The following NPSR1 variants were observed in gnomAD, a reference collection of about 807,000 sequenced individuals.
NPSR1 encodes neuropeptide S receptor 1.
In NPSR1, 48 loss-of-function variants were observed where a neutral mutation model predicts 46.9. That is an observed-to-expected ratio of 1.02 (90% CI 0.81 to 1.30). The LOEUF is 1.30. Among genes scored for constraint, NPSR1 ranks in the 50% most tolerant of loss-of-function variants. NPSR1 has a pLI of 0.00. For synonymous variants in NPSR1, 176 were observed against 168.1 expected, an observed-to-expected ratio of 1.05 and a Z score of -0.36; for missense variants, 450 against 449.5, an observed-to-expected ratio of 1.00 and a Z score of -0.01.
chr7:34,660,196 C>T (rs750966788), intron 1 of NPSR1: 5 of 452,822 alleles, frequency 1.1e-5, no homozygotes, highest in East Asian at 7.0e-5. Context: ...TGCAGCAAAA[C>T]GGCTGGACCA....
chr7:34,844,799 G>A (rs748861724), intron 6 of NPSR1, 97 bp from the exon 7 acceptor site: 5 of 826,984 alleles, frequency 6.0e-6, no homozygotes, highest in Non-Finnish European at 8.5e-6. Flanking sequence ...GGATATAAGT[G>A]AAAACTGGAG....
intron 1 of NPSR1, among the ~76,000 whole-genome samples, chr7:34,672,968 A>G (rs1792131445): frequency 6.6e-6 from 1 of 152,062 alleles, no homozygotes; most frequent in Non-Finnish European, 1.5e-5. Context: ...ACTACCTCAA[A>G]AGTGCCTGAA....
At chr7:34,691,692 A>G (rs1012670227) in intron 2 of NPSR1, among the ~76,000 whole-genome samples, 11 of 152,228 alleles carry the variant, frequency 7.2e-5, no homozygotes, top group Non-Finnish European at 1.2e-4. Flanking sequence ...CACGACCAAC[A>G]CTGGAGAGCC....
chr7:34,754,950 C>T (rs936983953), intron 2 of NPSR1, among the ~76,000 whole-genome samples: 10 of 149,586 alleles, frequency 6.7e-5, no homozygotes, highest in South Asian at 2.1e-4. Context: ...TGTTGTAGCA[C>T]GTATCCATAT....
chr7:34,801,918 A>G (rs1788436493), intron 3 of NPSR1, among the ~76,000 whole-genome samples: 1 of 150,012 alleles, frequency 6.7e-6, no homozygotes, highest in Admixed American at 6.6e-5. Context: ...TTATACACCA[A>G]TAACAGACAA....
chr7:34,827,320 A>G, intron 4 of NPSR1, 81 bp from the exon 5 acceptor site: 2 of 1,232,950 alleles, frequency 1.6e-6, no homozygotes, highest in South Asian at 1.3e-5. Flanking sequence ...CCCCACAGTG[A>G]TCCTTTTCTA....
chr7:34,692,654 G>C (rs185127844), intron 2 of NPSR1, among the ~76,000 whole-genome samples: 56 of 151,798 alleles, frequency 3.7e-4, no homozygotes, highest in Middle Eastern at 3.4e-3. Context: ...AGGAAAGCGA[G>C]AACAAGCCAA....
At position 34,803,466 on chromosome 7, in the gene NPSR1, G is replaced by A. The variant is rs1788523203; in HGVS notation, c.385-8304G>A. 2.6e-5 allele frequency among the ~76,000 whole-genome samples: 4 copies of A among 151,214 alleles called. No individual in the cohort carries two copies. In the Admixed American group the frequency reaches 2.6e-4, roughly 10 times the overall value. ...ATCATTCTCAGTAAACTATCGCAAG[G>A]ACAAAAAATCAAACACCGCAGGTTC... On this transcript the variant is annotated intron_variant, in intron 3 of 8. Coordinates refer to ENST00000360581, the MANE Select transcript of NPSR1 (RefSeq NM_207172.2).
chr7:34,774,405 C>T (rs1786846295), intron 2 of NPSR1, among the ~76,000 whole-genome samples: 1 of 152,132 alleles, frequency 6.6e-6, no homozygotes, highest in South Asian at 2.1e-4. Flanking sequence ...TGGGTTTGAT[C>T]CCAGATGTGC....
intron 2 of NPSR1, among the ~76,000 whole-genome samples, chr7:34,738,051 A>C (rs1784762891): frequency 6.6e-6 from 1 of 152,224 alleles, no homozygotes. Flanking sequence ...AGTGTTTTTG[A>C]ACGAAAGGAT....
chr7:34,791,298 A>C (rs909367766), intron 3 of NPSR1, among the ~76,000 whole-genome samples: 4 of 143,456 alleles, frequency 2.8e-5, no homozygotes, highest in African/African-American at 1.0e-4. Context: ...TAATATATAA[A>C]ATATATAATA....
chr7:34,801,904 A>T (rs144919348), intron 3 of NPSR1, among the ~76,000 whole-genome samples: 2,699 of 150,004 alleles, frequency 0.018, 232 homozygotes, highest in African/African-American at 0.047. Context: ...AATCACAAGC[A>T]TTCTTATACA....
At chr7:34,763,805 C>T (rs1255215165) in intron 2 of NPSR1, among the ~76,000 whole-genome samples, 1 of 152,182 alleles carries the variant, frequency 6.6e-6, no homozygotes, top group Non-Finnish European at 1.5e-5. Flanking sequence ...TCACTCAACG[C>T]TCTCCATTCT....
At chr7:34,814,145 C>G (rs1454778286) in intron 4 of NPSR1, among the ~76,000 whole-genome samples, 1 of 152,186 alleles carries the variant, frequency 6.6e-6, no homozygotes, top group Non-Finnish European at 1.5e-5. Flanking sequence ...GGGGGATGTC[C>G]CTTTCCTAGC....
chr7:34,790,675 ATGTTC>A (rs1787700343), intron 3 of NPSR1, among the ~76,000 whole-genome samples: 1 of 146,376 alleles, frequency 6.8e-6, no homozygotes, highest in Non-Finnish European at 1.5e-5. Context: ...TATATGTTAT[ATGTTC>A]TATGTTATAT....
At chr7:34,695,263 T>C (rs560560701) in intron 2 of NPSR1, among the ~76,000 whole-genome samples, 3 of 152,126 alleles carry the variant, frequency 2.0e-5, no homozygotes, top group Non-Finnish European at 4.4e-5. Flanking sequence ...TGGCTAGCCA[T>C]ATGCAGAAGA....
intron 5 of NPSR1, among the ~76,000 whole-genome samples, chr7:34,832,570 A>T (rs939658230): frequency 3.3e-5 from 5 of 152,134 alleles, no homozygotes; most frequent in Non-Finnish European, 5.9e-5. Context: ...TTGATCACTA[A>T]GCTCCAAGAA....
At chr7:34,835,538 C>G (rs1437419625) in intron 6 of NPSR1, among the ~76,000 whole-genome samples, 2 of 152,162 alleles carry the variant, frequency 1.3e-5, no homozygotes, top group Non-Finnish European at 2.9e-5. Context: ...TTTTGTTGGA[C>G]CAAGACAGAG....
At chr7:34,877,902 A>C (rs1791614563) in intron 8 of NPSR1, among the ~76,000 whole-genome samples, 1 of 152,184 alleles carries the variant, frequency 6.6e-6, no homozygotes, top group East Asian at 1.9e-4. Context: ...CAGAGCTGTC[A>C]CCCAAAATAA....
Sources: allele counts gnomAD v4.1 joint callset (sites outside exome capture counted in the v4.1 genomes callset), GRCh38; gene constraint gnomAD v4.1.1; transcripts MANE v1.5; gene names NCBI Gene and HGNC (gene_info 2026-07-23, HGNC 2026-07-21).